Variants in RBMS2 observed in about 807,000 individuals in gnomAD.
The protein encoded by RBMS2 is RNA-binding motif, single-stranded-interacting protein 2.
Under a neutral mutation model 58.4 loss-of-function variants are expected in RBMS2, and 38 were observed. The ratio of observed to expected loss-of-function variants is 0.65; its 90% CI spans 0.50 to 0.85. The LOEUF is 0.85. RBMS2 is among the 40% of genes least tolerant of loss of function. RBMS2 has a pLI of 0.00. For synonymous variants in RBMS2, 151 were observed against 180.7 expected, an observed-to-expected ratio of 0.84 and a Z score of 1.32; for missense variants, 367 against 503.7, an observed-to-expected ratio of 0.73 and a Z score of 2.60.
intron 1 of RBMS2, among the ~76,000 whole-genome samples, chr12:56,559,786 C>G (rs149421495): frequency 1 from 141,872 of 141,872 alleles, 70,936 homozygotes; most frequent in Non-Finnish European, 1. Flanking sequence ...GGGAGGCAGA[C>G]GTTGCAGTCA....
intron 10 of RBMS2, among the ~76,000 whole-genome samples, 184 bp from the exon 11 acceptor site, chr12:56,587,370 C>A (rs926636755): frequency 6.6e-6 from 1 of 152,020 alleles, no homozygotes. Context: ...TATTCTTAGA[C>A]GAGGGTCCTT....
chr12:56,523,764 AGAAAT>A (rs1237109594), intron 1 of RBMS2, among the ~76,000 whole-genome samples: 6 of 152,252 alleles, frequency 3.9e-5, no homozygotes, highest in Admixed American at 3.3e-4. Flanking sequence ...CATCTCAAAA[AGAAAT>A]GAAATATGAG....
intron 1 of RBMS2, among the ~76,000 whole-genome samples, chr12:56,536,599 A>G (rs2933233): frequency 0.56 from 81,322 of 146,272 alleles, 22,429 homozygotes; most frequent in South Asian, 0.71. Context: ...ATGGAGTCTC[A>G]CTCTGTCTCC....
chr12:56,549,493 C>T (rs1303469542), intron 1 of RBMS2, among the ~76,000 whole-genome samples: 1 of 152,154 alleles, frequency 6.6e-6, no homozygotes, highest in Non-Finnish European at 1.5e-5. Flanking sequence ...CTCCTAGTTT[C>T]ATGCGACTCA....
In RBMS2 at chr12:56,581,937, C is replaced by T. The variant is rs1884012833; in HGVS notation, c.779+58C>T. On this transcript the variant is annotated intron_variant, in intron 8 of 13. Coordinates refer to ENST00000262031, the MANE Select transcript of RBMS2 (RefSeq NM_002898.4). The stretch of plus-strand genomic sequence containing the variant: ...TGATAATGGCCTGTGTCCAGACACT[C>T]AAATGATTCATCTTGATTCTCTCTA... The T allele has an allele frequency of 2.5e-6, 4 of 1,591,008 alleles. No individual in the cohort carries two copies. In the Admixed American group the frequency reaches 5.0e-5, roughly 20 times the overall value.
intron 11 of RBMS2, among the ~76,000 whole-genome samples, chr12:56,587,946 C>G (rs1884902101): frequency 6.6e-6 from 1 of 152,142 alleles, no homozygotes; most frequent in Non-Finnish European, 1.5e-5. Context: ...TCCTAGGAAT[C>G]CTCATCAAAA....
chr12:56,587,515 G>T (rs933062211), intron 10 of RBMS2, 39 bp from the exon 11 acceptor site: 1 of 1,600,506 alleles, frequency 6.2e-7, no homozygotes, highest in African/African-American at 1.3e-5. Flanking sequence ...AGCCTCACAG[G>T]ATGCTGCAGC....
At position 56,569,046 on chromosome 12, in the gene RBMS2, C is replaced by T; in HGVS notation, c.292+13C>T. On this transcript the variant is annotated intron_variant, in intron 3 of 13. Transcript: ENST00000262031. ...AACAAATGTAAAGGTGAGAGAACAA[C>T]TGTCCTTGGTGTTGGAGAGCACCAG... The T allele has an allele frequency of 1.2e-6, 2 of 1,607,384 alleles. No homozygotes were observed. The highest frequency in any genetic ancestry group is 1.1e-5 in the South Asian group (1 of 90,924).
intron 2 of RBMS2, among the ~76,000 whole-genome samples, chr12:56,564,954 G>A (rs1050414201): frequency 6.6e-6 from 1 of 152,164 alleles, no homozygotes; most frequent in African/African-American, 2.4e-5. Flanking sequence ...AGAGGTTGTA[G>A]TGAGCCGAGA....
At chr12:56,539,237 G>T (rs770871035) in intron 1 of RBMS2, among the ~76,000 whole-genome samples, 2 of 151,966 alleles carry the variant, frequency 1.3e-5, no homozygotes, top group Non-Finnish European at 2.9e-5. Flanking sequence ...GGCTGGTCTG[G>T]AACTCCTGAA....
chr12:56,528,560 T>C (rs1399880449), intron 1 of RBMS2, among the ~76,000 whole-genome samples: 1 of 152,068 alleles, frequency 6.6e-6, no homozygotes, highest in Non-Finnish European at 1.5e-5. Context: ...ATGCTTAACA[T>C]CATTAGCCAT....
intron 1 of RBMS2, among the ~76,000 whole-genome samples, chr12:56,537,627 G>A (rs1875158300): frequency 6.6e-6 from 1 of 152,102 alleles, no homozygotes; most frequent in Admixed American, 6.6e-5. Context: ...CTGCCTTTTG[G>A]CTGTTGTGAA....
intron 1 of RBMS2, 148 bp from the exon 2 acceptor site, chr12:56,562,269 C>A: frequency 1.4e-6 from 1 of 691,584 alleles, no homozygotes; most frequent in Non-Finnish European, 2.4e-6. Flanking sequence ...AAATATAGAG[C>A]TAAGGAACAA....
intron 5 of RBMS2, among the ~76,000 whole-genome samples, chr12:56,576,413 G>A (rs539740087): frequency 4.8e-4 from 73 of 152,176 alleles, no homozygotes; most frequent in African/African-American, 1.7e-3. Flanking sequence ...CACTGCAAAT[G>A]CTACCCACCC....
At chr12:56,578,289 C>T (rs533844197) in intron 5 of RBMS2, among the ~76,000 whole-genome samples, 5 of 152,012 alleles carry the variant, frequency 3.3e-5, no homozygotes, top group Non-Finnish European at 7.4e-5. Context: ...CCACCATGCC[C>T]AGCTAATTTT....
intron 1 of RBMS2, among the ~76,000 whole-genome samples, chr12:56,546,571 G>T (rs1220003148): frequency 6.6e-6 from 1 of 151,598 alleles, no homozygotes; most frequent in Non-Finnish European, 1.5e-5. Context: ...CTGACCTTGT[G>T]ATCCCCCTGC....
chr12:56,571,538 A>G (rs1882293243), intron 4 of RBMS2, among the ~76,000 whole-genome samples, 160 bp from the exon 5 acceptor site: 1 of 152,182 alleles, frequency 6.6e-6, no homozygotes, highest in African/African-American at 2.4e-5. Context: ...CTCAATATAC[A>G]ACCCGTGGTA....
chr12:56,527,230 G>A (rs1340935952), intron 1 of RBMS2, among the ~76,000 whole-genome samples: 1 of 152,170 alleles, frequency 6.6e-6, no homozygotes, highest in Non-Finnish European at 1.5e-5. Context: ...AAATGTAATA[G>A]GACTGAGAAT....
chr12:56,578,471 A>G (rs1331470031), intron 5 of RBMS2, among the ~76,000 whole-genome samples: 2 of 152,218 alleles, frequency 1.3e-5, no homozygotes, highest in Non-Finnish European at 2.9e-5. Flanking sequence ...ATACAGAAGC[A>G]TCTATGACAT....
Sources: allele counts gnomAD v4.1 joint callset (sites outside exome capture counted in the v4.1 genomes callset), GRCh38; gene constraint gnomAD v4.1.1; transcripts MANE v1.5; gene names NCBI Gene and HGNC (gene_info 2026-07-23, HGNC 2026-07-21).